SLC14A2: variants seen among roughly 807,000 people sequenced by gnomAD.
The protein encoded by SLC14A2 is solute carrier family 14 member 2, also known as urea transporter 2.
A neutral mutation model predicts 104.6 loss-of-function variants in SLC14A2; 91 were observed. The ratio of observed to expected loss-of-function variants is 0.87; its 90% confidence interval spans 0.73 to 1.04. The LOEUF (loss-of-function observed/expected upper bound fraction) is 1.04, where lower values mean the gene tolerates loss of function less well. Ranked by LOEUF, SLC14A2 falls within the 50% of genes least tolerant of loss-of-function variation. The pLI, the probability that SLC14A2 is intolerant of heterozygous loss-of-function variation, is 0.00. For missense variants in SLC14A2, 1,189 were observed against 1,156.0 expected (o/e 1.03, Z -0.41); for synonymous variants, 476 against 466.4 (o/e 1.02, Z -0.27).
intron 1 of SLC14A2, among the ~76,000 whole-genome samples, chr18:45,357,455 G>A (rs1376957424): frequency 1.3e-5 from 2 of 151,936 alleles, no homozygotes; most frequent in South Asian, 2.1e-4. Flanking sequence ...CCAAAAAAGT[G>A]TTTTAAAAAG....
intron 1 of SLC14A2, among the ~76,000 whole-genome samples, chr18:45,347,070 T>C (rs2085456855): frequency 6.6e-6 from 1 of 152,026 alleles, no homozygotes; most frequent in South Asian, 2.1e-4. Context: ...TTAAAAAGTT[T>C]TGTGGCCCTG....
chr18:45,234,926 G>A (rs1484169875), intron 1 of SLC14A2, among the ~76,000 whole-genome samples: 2 of 152,040 alleles, frequency 1.3e-5, no homozygotes, highest in African/African-American at 4.8e-5. Context: ...GATGAAGCAG[G>A]TGTTAGTAAA....
intron 10 of SLC14A2, among the ~76,000 whole-genome samples, chr18:45,656,033 T>A (rs1044314183): frequency 1.3e-5 from 2 of 152,204 alleles, no homozygotes; most frequent in African/African-American, 4.8e-5. Flanking sequence ...ACTCAAAGGA[T>A]CACTTGGTTA....
chr18:45,673,886 T>G, intron 18 of SLC14A2, 69 bp downstream of exon 18: 1 of 1,488,908 alleles, frequency 6.7e-7, no homozygotes, highest in Non-Finnish European at 9.3e-7. Flanking sequence ...TTTTTTTATG[T>G]TTTTTAATGG....
At chr18:45,418,103 T>C (rs542401960) in intron 1 of SLC14A2, among the ~76,000 whole-genome samples, 73 of 152,320 alleles carry the variant, frequency 4.8e-4, no homozygotes, top group African/African-American at 1.6e-3. Context: ...TAAATGTATA[T>C]ATGAGTCAGT....
At chr18:45,174,638 G>A in the SLC14A2 span, among the ~76,000 whole-genome samples, 2 of 152,154 alleles carry the variant, frequency 1.3e-5, no homozygotes, top group East Asian at 3.9e-4. Context: ...GCACACACAC[G>A]CTCATGTGCT....
At chr18:45,282,892 C>A (rs1257654284) in intron 1 of SLC14A2, among the ~76,000 whole-genome samples, 2 of 151,582 alleles carry the variant, frequency 1.3e-5, no homozygotes, top group East Asian at 3.9e-4. Context: ...TGCATTTGTG[C>A]AAGTCCCCTT....
At chr18:45,506,673 A>T (rs1270346046) in intron 2 of SLC14A2, among the ~76,000 whole-genome samples, 1 of 151,972 alleles carries the variant, frequency 6.6e-6, no homozygotes, top group Admixed American at 6.6e-5. Flanking sequence ...TGGCCAGAAA[A>T]TTTTTTCTCT....
intron 1 of SLC14A2, among the ~76,000 whole-genome samples, chr18:45,234,191 C>T (rs8085664): frequency 1.3e-5 from 2 of 152,086 alleles, no homozygotes; most frequent in South Asian, 2.1e-4. Context: ...TGCAGATACA[C>T]TCCTGGGCTA....
intron 1 of SLC14A2, 94 bp from the exon 2 acceptor site, chr18:45,624,537 C>A: frequency 2.3e-6 from 2 of 866,218 alleles, no homozygotes; most frequent in East Asian, 5.3e-5. Flanking sequence ...ACTGTCCAAC[C>A]CCCAGGACAG....
At chr18:45,389,544 CCTT>C (rs1297193262) in intron 1 of SLC14A2, among the ~76,000 whole-genome samples, 1 of 152,114 alleles carries the variant, frequency 6.6e-6, no homozygotes, top group Admixed American at 6.5e-5. Flanking sequence ...CTTCAACCAG[CCTT>C]CTTTCTTTCT....
At chr18:45,420,746 T>C (rs921947938) in intron 1 of SLC14A2, among the ~76,000 whole-genome samples, 1 of 146,696 alleles carries the variant, frequency 6.8e-6, no homozygotes, top group Non-Finnish European at 1.5e-5. Context: ...ATTATTATTA[T>C]TATTTTTTTT....
chr18:45,414,673 A>C (rs1027847688), intron 1 of SLC14A2, among the ~76,000 whole-genome samples: 4 of 148,986 alleles, frequency 2.7e-5, no homozygotes, highest in South Asian at 2.1e-4. Flanking sequence ...AAATAATTTT[A>C]TAATTGCATC....
chr18:45,494,699 G>A (rs923900528), intron 2 of SLC14A2, among the ~76,000 whole-genome samples: 5 of 151,886 alleles, frequency 3.3e-5, no homozygotes, highest in Admixed American at 1.3e-4. Context: ...CACTGTGCCC[G>A]GCCTGGTAGT....
At chr18:45,664,023 T>C (rs191935339) in intron 11 of SLC14A2, 116 bp downstream of exon 11, 1 of 1,118,358 alleles carries the variant, frequency 8.9e-7, no homozygotes, top group East Asian at 2.7e-5. Flanking sequence ...GAGTCAGACT[T>C]GACCTCTCAC....
In SLC14A2 at chr18:45,668,469, C is replaced by T. The variant is rs750889399; in HGVS notation, c.2028C>T (p.Ser676=). Residue 676 remains serine (S), a synonymous_variant, in exon 15 of 20, where the codon TCC becomes TCT. Coordinates refer to ENST00000255226, the MANE Select transcript of SLC14A2 (RefSeq NM_007163.4). ...WWLLLPVIIM[S]MSCPILSSAL... The stretch of plus-strand genomic sequence containing the variant: ...TGTTGCTACCCGTCATCATCATGTC[C>T]ATGTCTTGGTAAGTTTGCTTTTGAA... 10 of 1,614,146 alleles carry T rather than the reference C, an allele frequency of 6.2e-6. No homozygotes were observed. The highest frequency in any genetic ancestry group is 8.5e-6 in the Non-Finnish European group (10 of 1,180,004).
intron 2 of SLC14A2, among the ~76,000 whole-genome samples, chr18:45,553,830 G>A (rs2144290395): frequency 6.6e-6 from 1 of 152,250 alleles, no homozygotes; most frequent in South Asian, 2.1e-4. Context: ...CCAGAAGACA[G>A]CTTTCTTTCC....
At chr18:45,332,198 A>G (rs1319264237) in intron 1 of SLC14A2, among the ~76,000 whole-genome samples, 1 of 152,208 alleles carries the variant, frequency 6.6e-6, no homozygotes, top group Non-Finnish European at 1.5e-5. Flanking sequence ...GGTTTCAAAT[A>G]CAGTTGGCCC....
intron 1 of SLC14A2, among the ~76,000 whole-genome samples, chr18:45,328,569 GA>G (rs1297128951): frequency 7.9e-5 from 12 of 152,298 alleles, no homozygotes; most frequent in African/African-American, 2.9e-4. Flanking sequence ...GGGGTATTTG[GA>G]CATCAAGAAG....
Sources: gnomAD v4.1 joint callset for allele counts (sites outside exome capture counted in the v4.1 genomes callset) on GRCh38, gnomAD v4.1.1 for gene constraint, MANE v1.5 for transcripts, NCBI Gene and HGNC (gene_info 2026-07-23, HGNC 2026-07-21) for gene names.